ZNF862: variants seen among roughly 807,000 people sequenced by gnomAD.
ZNF862 encodes the protein zinc finger protein 862.
ZNF862 carries 64 observed loss-of-function variants against 91.1 expected under a neutral mutation model. The observed-to-expected ratio is 0.70, with a 90% confidence interval of 0.57 to 0.87. ZNF862 has a LOEUF of 0.87. Ranked by LOEUF, ZNF862 falls within the 40% of genes least tolerant of loss-of-function variation. The pLI is 0.00. For synonymous variants in ZNF862, 631 were observed against 618.1 expected (o/e 1.02, Z -0.31); for missense variants, 1,459 against 1,528.0 (o/e 0.95, Z 0.75).
chr7:149,844,263 C>T (rs1056686127), intron 1 of ZNF862, among the ~76,000 whole-genome samples: 8 of 152,120 alleles, frequency 5.3e-5, no homozygotes, highest in East Asian at 3.9e-4. Flanking sequence ...TCTTCCTAAG[C>T]GAAGGTTTAC....
intron 6 of ZNF862, 198 bp downstream of exon 6, chr7:149,859,724 A>G (rs531573881): frequency 6.5e-5 from 36 of 553,164 alleles, no homozygotes; most frequent in African/African-American, 6.4e-4. Context: ...GGAAACAGGG[A>G]AAAAACAGGT....
intron 1 of ZNF862, chr7:149,841,477 T>G: frequency 1.0e-6 from 1 of 980,602 alleles, no homozygotes. Flanking sequence ...GTTCATTTAT[T>G]TATTTACGTA....
Position 149,862,089 on chromosome 7 carries a change from G to A in ZNF862, c.2929G>A (p.Glu977Lys), listed in dbSNP as rs188929317. The A allele has an allele frequency of 1.2e-5, 20 of 1,613,630 alleles. No homozygotes were observed. The highest frequency in any genetic ancestry group is 1.6e-4 in the Middle Eastern group (1 of 6,062). Residue 977 changes from glutamate (E) to lysine (K), a missense_variant, in exon 7 of 8, where the codon GAG becomes AAG. Physicochemically the swap from Glu to Lys is moderately conservative, Grantham distance 56. Transcript: ENST00000223210. Reference protein sequence around the residue: ...DDILNLARYFECSLPTGYSEE... With the variant: ...DDILNLARYFKCSLPTGYSEE... ...CATTCTCAACCTGGCCAGGTATTTC[G>A]AGTGCTCCCTCCCAACAGGATACAG...
At chr7:149,864,082 A>G in intron 7 of ZNF862, 27 bp from the exon 8 acceptor site, 1 of 1,552,326 alleles carries the variant, frequency 6.4e-7, no homozygotes, top group Non-Finnish European at 8.7e-7. Context: ...CAGTCAGTCT[A>G]ATTGTATTCT....
chr7:149,843,783 A>G (rs1563115984), intron 1 of ZNF862, among the ~76,000 whole-genome samples: 1 of 152,166 alleles, frequency 6.6e-6, no homozygotes, highest in East Asian at 1.9e-4. Context: ...TTCTTGTTCC[A>G]TTGGGCTGCC....
rs1802545828 is a variant in ZNF862, at chr7:149,862,338, G to C, written c.3178G>C (p.Glu1060Gln). 1 of 1,613,224 alleles carries C rather than the reference G, an allele frequency of 6.2e-7. No individual in the cohort carries two copies. Among genetic ancestry groups the C allele is most frequent in the African/African-American group, 1.3e-5 (1 of 74,898 alleles). The change falls in exon 7 of 8, where the codon GAG becomes CAG. Residue 1060 changes from glutamate (E) to glutamine (Q), a missense_variant. Coordinates refer to ENST00000223210, the MANE Select transcript of ZNF862 (RefSeq NM_001099220.3). ...CGATGAGAGGACCAAGCTCTCCAAC[G>C]AGGTGCTCAACATGCTCATGATGAC... ...RTDERTKLSN[E>Q]VLNMLMMTAV... is the part of the protein sequence containing the mutation.
chr7:149,862,570 C>T, intron 7 of ZNF862, 76 bp downstream of exon 7: 4 of 1,441,364 alleles, frequency 2.8e-6, no homozygotes, highest in Non-Finnish European at 3.7e-6. Flanking sequence ...ACTGCAGGTG[C>T]CTGTGGAGCT....
Position 149,861,658 on chromosome 7 carries a change from G to A in ZNF862, c.2498G>A (p.Arg833His), listed in dbSNP as rs1339850472. Residue 833 changes from arginine (R) to histidine (H), a missense_variant, in exon 7 of 8, where the codon CGC becomes CAC. Coordinates refer to ENST00000223210, the MANE Select transcript of ZNF862 (RefSeq NM_001099220.3). The surrounding 1 kb of genome is among the most constrained non-coding windows in gnomAD (Gnocchi z 6.7). ...GCCAAAGGGATGCTGAAGCTCATGC[G>A]CGGCTTCCACTTTGTCAAGTTCTGC... ...HRAKGMLKLMRGFHFVKFCHF... is the reference protein window; with the variant it reads ...HRAKGMLKLMHGFHFVKFCHF... 1.9e-6 allele frequency: 3 copies of A among 1,609,330 alleles called. No individual in the cohort carries two copies. The highest frequency in any genetic ancestry group is 1.7e-6 in the Non-Finnish European group (2 of 1,178,512).
chr7:149,857,460 C>T (rs1563123014), intron 5 of ZNF862, among the ~76,000 whole-genome samples: 1 of 151,992 alleles, frequency 6.6e-6, no homozygotes, highest in Non-Finnish European at 1.5e-5. Context: ...CATGAGTTTT[C>T]TTTCTAGGAA....
At chr7:149,848,631 GACA>G (rs1801960817) in intron 4 of ZNF862, among the ~76,000 whole-genome samples, 199 bp downstream of exon 4, 2 of 152,100 alleles carry the variant, frequency 1.3e-5, no homozygotes, top group African/African-American at 4.8e-5. Flanking sequence ...ATTTAATTTG[GACA>G]ACAACCCTAT....
At chr7:149,856,253 T>C (rs1802261820) in intron 5 of ZNF862, 1 of 152,242 alleles carries the variant, frequency 6.6e-6, no homozygotes, top group African/African-American at 2.4e-5. Flanking sequence ...GTATTCCTGA[T>C]TTATTGATTT....
At chr7:149,840,081 G>T (rs1480609331) in intron 1 of ZNF862, among the ~76,000 whole-genome samples, 1 of 151,372 alleles carries the variant, frequency 6.6e-6, no homozygotes, top group African/African-American at 2.4e-5. Context: ...ACTACAGTGG[G>T]GCTGAGAAAT....
At position 149,848,442 on chromosome 7, in the gene ZNF862, T is replaced by G; in HGVS notation, c.939+10T>G. ...AGAATCCTGCATTCAGGTAATACGT[T>G]TATAATGATTGCTGTATCTTACAGA... is the stretch of plus-strand genomic sequence containing the variant. On this transcript the variant is annotated intron_variant, in intron 4 of 7. Coordinates refer to ENST00000223210, the MANE Select transcript of ZNF862 (RefSeq NM_001099220.3). The G allele has an allele frequency of 6.7e-7, 1 of 1,490,102 alleles. No individual in the cohort carries two copies. Among genetic ancestry groups the G allele is most frequent in the Non-Finnish European group, 9.0e-7 (1 of 1,115,078 alleles). The allele number at this position is 1,490,102 out of a possible 1,614,324, so 92.3% of individuals were successfully genotyped here. A position where few individuals can be genotyped will look rare whatever the true frequency, so the allele number is the denominator to read the frequency against.
chr7:149,862,407 G>T lies in ZNF862; in HGVS notation c.3247G>T (p.Ala1083Ser), dbSNP rs2128942869. The change falls in exon 7 of 8, where the codon GCC becomes TCC. Residue 1083 changes from alanine (A) to serine (S), a missense_variant. Ala to Ser is a moderately conservative substitution (Grantham distance 99, BLOSUM62 1). Transcript: ENST00000223210. ...CGTCACGGAGTACGACCCCCAGCCC[G>T]CCATCCAGCACTGGTACCTGACCTC... is the stretch of plus-strand genomic sequence containing the variant. ...VAVTEYDPQP[A>S]IQHWYLTSSG... is the part of the protein sequence containing the mutation. 1.2e-6 allele frequency: 2 copies of T among 1,612,292 alleles called. No homozygotes were observed. Among genetic ancestry groups the T allele is most frequent in the South Asian group, 1.1e-5 (1 of 90,882 alleles).
intron 7 of ZNF862, among the ~76,000 whole-genome samples, chr7:149,863,374 T>A (rs367607158): frequency 6.7e-6 from 1 of 149,382 alleles, no homozygotes; most frequent in East Asian, 1.9e-4. Flanking sequence ...GCTGGCCTCC[T>A]TCCGGCTGTT....
intron 7 of ZNF862, among the ~76,000 whole-genome samples, chr7:149,863,663 A>G (rs1274238487): frequency 1.3e-5 from 2 of 152,232 alleles, no homozygotes; most frequent in African/African-American, 4.8e-5. Flanking sequence ...GGACCAGCAC[A>G]GATTGGTCCA....
intron 1 of ZNF862, chr7:149,841,821 A>T: frequency 1.1e-6 from 1 of 926,322 alleles, no homozygotes; most frequent in Non-Finnish European, 1.3e-6. Context: ...CTATTATTGC[A>T]CTTATATCTT....
At position 149,844,656 on chromosome 7, in the gene ZNF862, A is replaced by C. The variant is rs992373398; in HGVS notation, c.56A>C (p.Tyr19Ser). ...APVTFDDITV[Y>S]LLQEEWVLLS... The stretch of plus-strand genomic sequence containing the variant: ...GTGACGTTTGATGACATCACTGTGT[A>C]CTTACTCCAGGAGGAATGGGTGCTG... The change falls in exon 2 of 8, where the codon TAC becomes TCC. Residue 19 changes from tyrosine (Y) to serine (S), a missense_variant. By Grantham distance (144) the Tyr-to-Ser change is moderately radical (BLOSUM62 -2). Coordinates refer to ENST00000223210, the MANE Select transcript of ZNF862 (RefSeq NM_001099220.3). 7.5e-6 allele frequency: 12 copies of C among 1,605,478 alleles called. No individual in the cohort carries two copies. The African/African-American group carries it at 1.2e-4, about 16-fold the overall frequency.
Position 149,859,476 on chromosome 7 carries a change from C to T in ZNF862, c.1172C>T (p.Pro391Leu), listed in dbSNP as rs371481632. 12 of 1,588,848 alleles carry T rather than the reference C, an allele frequency of 7.6e-6. No homozygotes were observed. The highest frequency in any genetic ancestry group is 9.4e-6 in the Non-Finnish European group (11 of 1,167,006). Residue 391 changes from proline (P) to leucine (L), a missense_variant, in exon 6 of 8, where the codon CCC becomes CTC. Physicochemically the swap from Pro to Leu is moderately conservative, Grantham distance 98. Coordinates refer to ENST00000223210, the MANE Select transcript of ZNF862 (RefSeq NM_001099220.3). The part of the protein sequence containing the change: ...LISKLERRAA[P>L]WIKDPNGPKW... ...TCCAAACTGGAGCGGAGGGCTGCACCCTGGATCAAGGACCCAAATGGGCCA... is the reference window on the plus strand; with the variant it reads ...TCCAAACTGGAGCGGAGGGCTGCACTCTGGATCAAGGACCCAAATGGGCCA...
Sources: gnomAD v4.1 joint callset for allele counts (sites outside exome capture counted in the v4.1 genomes callset) on GRCh38, gnomAD v4.1.1 for gene constraint, Gnocchi (gnomAD v3.1) non-coding constraint, MANE v1.5 for transcripts, NCBI Gene and HGNC (gene_info 2026-07-23, HGNC 2026-07-21) for gene names.